The following ATP2B4 variants were observed in gnomAD, a reference collection of about 807,000 sequenced individuals.
ATP2B4 encodes the protein ATPase plasma membrane Ca2+ transporting 4, also known as plasma membrane calcium-transporting ATPase 4.
A neutral mutation model predicts 110.3 loss-of-function variants in ATP2B4; 39 were observed. The ratio of observed to expected loss-of-function variants is 0.35; its 90% CI spans 0.27 to 0.46. The LOEUF (loss-of-function observed/expected upper bound fraction) is 0.46, where lower values mean the gene tolerates loss of function less well. Ranked by LOEUF, ATP2B4 falls within the 20% of genes least tolerant of loss-of-function variation. The pLI, the probability that ATP2B4 is intolerant of heterozygous loss-of-function variation, is 1.00. For synonymous variants in ATP2B4, 538 were observed against 571.7 expected (o/e 0.94, Z 0.84); for missense variants, 1,135 against 1,530.9 (o/e 0.74, Z 4.32).
At chr1:203,702,566 T>C (rs1044336502) in intron 7 of ATP2B4, among the ~76,000 whole-genome samples, 4 of 152,220 alleles carry the variant, frequency 2.6e-5, no homozygotes, top group Admixed American at 2.0e-4. Context: ...GAGAGAGCCC[T>C]TTCTCTGTAT....
chr1:203,664,431 A>G (rs1047926102), intron 1 of ATP2B4, among the ~76,000 whole-genome samples: 2 of 152,204 alleles, frequency 1.3e-5, no homozygotes, highest in Non-Finnish European at 2.9e-5. Context: ...AAGATACTTG[A>G]TCTTCATCCA....
Position 203,698,336 on chromosome 1 carries a change from G to T in ATP2B4, c.373G>T (p.Ala125Ser). The T allele has an allele frequency of 6.2e-7, 1 of 1,614,082 alleles. No homozygotes were observed. Among genetic ancestry groups the T allele is most frequent in the Non-Finnish European group, 8.5e-7 (1 of 1,180,018 alleles). ...ISLVLSFYRP[A>S]GEENELCGQV... ...CCTGGTCCTGTCCTTTTATCGCCCTGCTGGTGAAGAAAATGAACGTGAGTG... is the reference window on the plus strand; with the variant it reads ...CCTGGTCCTGTCCTTTTATCGCCCTTCTGGTGAAGAAAATGAACGTGAGTG... The change falls in exon 3 of 21, where the codon GCT becomes TCT. Residue 125 changes from alanine to serine, a missense_variant. By Grantham distance (99) the Ala-to-Ser change is moderately conservative. Around this residue, in one of 9 missense-constraint regions of ATP2B4, gnomAD observed 101 missense variants for 182.6 expected, o/e 0.55. Coordinates refer to ENST00000357681, the MANE Select transcript of ATP2B4 (RefSeq NM_001684.5).
rs1663189385 is a variant in ATP2B4 at position 203,629,341 on chromosome 1, C to A, written c.-465+2122C>A. On this transcript the variant is annotated intron_variant, in intron 1 of 20. Transcript: ENST00000357681. This position sits in a 1 kb window ranked among gnomAD's most constrained non-coding sequence, Gnocchi z 4.6. The stretch of plus-strand genomic sequence containing the variant: ...CTGCCACCATCTTGCTGAGGTGCAA[C>A]CTCGAAAATCACGCCGCTTTCGCCG... 6.6e-6 allele frequency among the ~76,000 whole-genome samples: 1 copy of A among 152,226 alleles called. No individual in the cohort carries two copies. The highest frequency in any genetic ancestry group is 2.1e-4 in the South Asian group (1 of 4,834).
Position 203,672,932 on chromosome 1 carries a change from C to T in ATP2B4, c.-464-9810C>T, listed in dbSNP as rs6677335. Among the ~76,000 whole-genome samples, 1,053 of 152,148 alleles carry T rather than the reference C, an allele frequency of 6.9e-3. 5 individuals are homozygous for T. Among genetic ancestry groups the T allele is most frequent in the Middle Eastern group, 0.014 (4 of 294 alleles). ...TGACATCCTCTCAAGTCTGTTTTCTCAAAGACTAAAAAAATGTGGGCTTTT... is the reference window on the plus strand; with the variant it reads ...TGACATCCTCTCAAGTCTGTTTTCTTAAAGACTAAAAAAATGTGGGCTTTT... On this transcript the variant is annotated intron_variant, in intron 1 of 20. Transcript: ENST00000357681.
chr1:203,723,461 C>CTCTCTCTCT (rs1666407930), intron 18 of ATP2B4, among the ~76,000 whole-genome samples: 1 of 67,608 alleles, frequency 1.5e-5, no homozygotes, highest in Admixed American at 2.0e-4. Context: ...TCTCTCTCTC[C>CTCTCTCTCT]CTCTGCCTCT....
chr1:203,680,502 G>C (rs1028594682), intron 1 of ATP2B4, among the ~76,000 whole-genome samples: 1 of 151,972 alleles, frequency 6.6e-6, no homozygotes, highest in Non-Finnish European at 1.5e-5. Context: ...CCAGCCACTC[G>C]GGAGGCTGAG....
chr1:203,733,397 G>C, intron 20 of ATP2B4: 1 of 1,612,736 alleles, frequency 6.2e-7, no homozygotes, highest in Non-Finnish European at 8.5e-7. Context: ...TCCTCCTATG[G>C]GCAGTGAGTG....
chr1:203,706,950 G>C, intron 8 of ATP2B4, 59 bp from the exon 9 acceptor site: 1 of 1,449,010 alleles, frequency 6.9e-7, no homozygotes, highest in South Asian at 1.2e-5. Context: ...ATCTATCTCT[G>C]GCTAGGGCCC....
chr1:203,643,958 C>T (rs543960997), intron 1 of ATP2B4, among the ~76,000 whole-genome samples: 10 of 152,188 alleles, frequency 6.6e-5, no homozygotes, highest in South Asian at 4.2e-4. Flanking sequence ...CAGTAAAGAA[C>T]GGATAGATGG....
chr1:203,650,863 A>G (rs1219345087), intron 1 of ATP2B4, among the ~76,000 whole-genome samples: 1 of 152,254 alleles, frequency 6.6e-6, no homozygotes, highest in Non-Finnish European at 1.5e-5. Flanking sequence ...CCAAAAGGCC[A>G]GAATTTTTAA....
chr1:203,691,222 C>G (rs16852155), intron 2 of ATP2B4, among the ~76,000 whole-genome samples: 20,787 of 152,252 alleles, frequency 0.14, 1,692 homozygotes, highest in South Asian at 0.24. Flanking sequence ...TCAGCAGCAA[C>G]TGTTGCAAGT....
chr1:203,732,939 C>A (rs896554245), intron 20 of ATP2B4, among the ~76,000 whole-genome samples: 9 of 152,082 alleles, frequency 5.9e-5, no homozygotes, highest in Non-Finnish European at 1.2e-4. Flanking sequence ...CCTCAAATGC[C>A]CACTGTGGAT....
intron 20 of ATP2B4, chr1:203,727,814 G>T (rs974860851): frequency 4.0e-6 from 2 of 494,804 alleles, no homozygotes; most frequent in Non-Finnish European, 7.2e-6. Context: ...CTTTAGCTCT[G>T]GGTTGACCCT....
chr1:203,690,550 G>A (rs561099995), intron 2 of ATP2B4, among the ~76,000 whole-genome samples: 1 of 152,284 alleles, frequency 6.6e-6, no homozygotes, highest in Non-Finnish European at 1.5e-5. Context: ...GATGTGAGAG[G>A]AAGATGGGCA....
chr1:203,684,439 TC>T (rs1477556447), intron 2 of ATP2B4, among the ~76,000 whole-genome samples: 1 of 150,284 alleles, frequency 6.7e-6, no homozygotes, highest in East Asian at 2.0e-4. Flanking sequence ...AACTGCAACC[TC>T]CGCCTCCCAG....
At position 203,721,189 on chromosome 1, in the gene ATP2B4, C is replaced by T. The variant is rs1416555108; in HGVS notation, c.2599-8C>T. 1 of 1,613,612 alleles carries T rather than the reference C, an allele frequency of 6.2e-7. No homozygotes were observed. The highest frequency in any genetic ancestry group is 1.3e-5 in the African/African-American group (1 of 74,898). On this transcript the variant is annotated splice_polypyrimidine_tract_variant and splice_region_variant and intron_variant, in intron 16 of 20. Transcript: ENST00000357681. The stretch of plus-strand genomic sequence containing the variant: ...AAAGCTAAAAGGACTGGTTCTTCTC[C>T]CCGCCAGGATTCCCCATTGAAAGCT...
intron 2 of ATP2B4, among the ~76,000 whole-genome samples, chr1:203,691,405 T>A (rs1346628756): frequency 6.6e-6 from 1 of 152,130 alleles, no homozygotes; most frequent in African/African-American, 2.4e-5. Flanking sequence ...TGACACCAGA[T>A]GGAAGCACAT....
chr1:203,651,988 T>G (rs1664011013), intron 1 of ATP2B4, among the ~76,000 whole-genome samples: 1 of 150,222 alleles, frequency 6.7e-6, no homozygotes, highest in South Asian at 2.1e-4. Flanking sequence ...ATCTGGGAAG[T>G]GGAGGTGGCA....
chr1:203,698,177 G>C lies in ATP2B4; in HGVS notation c.214G>C (p.Asp72His). The C allele has an allele frequency of 6.2e-7, 1 of 1,614,138 alleles. No homozygotes were observed. The highest frequency in any genetic ancestry group is 8.5e-7 in the Non-Finnish European group (1 of 1,180,010). ...PVEGLSGNPA[D>H]LEKRRQVFGH... is the part of the protein sequence containing the mutation. Reference sequence around the variant, plus strand: ...TTCAGGTCTGTCTGGGAACCCTGCAGATCTGGAGAAACGTAGGCAGGTGTT... The same window carrying C: ...TTCAGGTCTGTCTGGGAACCCTGCACATCTGGAGAAACGTAGGCAGGTGTT... Residue 72 changes from aspartate to histidine, a missense_variant, in exon 3 of 21, where the codon GAT (aspartate) becomes CAT (histidine). This residue lies in a region of ATP2B4 where 122 missense variants were observed against 125.2 expected (regional missense o/e 0.97). Coordinates refer to ENST00000357681, the MANE Select transcript of ATP2B4 (RefSeq NM_001684.5).
Sources: allele counts gnomAD v4.1 joint callset (sites outside exome capture counted in the v4.1 genomes callset), GRCh38; gene constraint gnomAD v4.1.1; regional missense constraint gnomAD v4.1.1; non-coding constraint Gnocchi (gnomAD v3.1); transcripts MANE v1.5; gene names NCBI Gene and HGNC (gene_info 2026-07-23, HGNC 2026-07-21).